The following CHST11 variants were observed in gnomAD, a reference collection of about 807,000 sequenced individuals.
CHST11 encodes C4S-1.
In CHST11, 9 loss-of-function variants were observed where a neutral mutation model predicts 30.4. The observed-to-expected ratio is 0.30, with a 90% CI of 0.18 to 0.52. The LOEUF (loss-of-function observed/expected upper bound fraction) is 0.52, where lower values mean the gene tolerates loss of function less well. Ranked by LOEUF, CHST11 falls within the 20% of genes least tolerant of loss-of-function variation. CHST11 has a pLI of 0.97. For missense variants in CHST11, 348 were observed against 460.6 expected, an observed-to-expected ratio of 0.76 and a Z score of 2.24; for synonymous variants, 152 against 187.8, an observed-to-expected ratio of 0.81 and a Z score of 1.56.
At chr12:104,575,030 G>A (rs865606) in intron 1 of CHST11, among the ~76,000 whole-genome samples, 108,013 of 151,656 alleles carry the variant, frequency 0.71, 38,776 homozygotes, top group East Asian at 0.98. Context: ...CATCTTTACT[G>A]AAAATACAAA....
intron 2 of CHST11, among the ~76,000 whole-genome samples, chr12:104,699,655 C>T (rs1264631360): frequency 1.3e-5 from 2 of 152,218 alleles, no homozygotes; most frequent in Non-Finnish European, 2.9e-5. Context: ...ACGCATAACA[C>T]GTGGTTTCCA....
chr12:104,545,637 G>C (rs1257605046), intron 1 of CHST11, among the ~76,000 whole-genome samples: 1 of 152,148 alleles, frequency 6.6e-6, no homozygotes, highest in Non-Finnish European at 1.5e-5. Flanking sequence ...ACAAACAAAG[G>C]CACGTTTCTT....
At chr12:104,737,724 CA>C (rs894583927) in intron 2 of CHST11, among the ~76,000 whole-genome samples, 2 of 152,100 alleles carry the variant, frequency 1.3e-5, no homozygotes, top group Admixed American at 6.5e-5. Context: ...TGATGTTTTT[CA>C]AAAGAAAAGA....
chr12:104,612,177 GGCT>G (rs2039066899), intron 2 of CHST11, among the ~76,000 whole-genome samples: 1 of 152,222 alleles, frequency 6.6e-6, no homozygotes, highest in Non-Finnish European at 1.5e-5. Flanking sequence ...AGTTCGCTGG[GGCT>G]GCTGTAACAA....
chr12:104,679,116 T>A (rs927899624), intron 2 of CHST11, among the ~76,000 whole-genome samples: 2 of 152,150 alleles, frequency 1.3e-5, no homozygotes, highest in Admixed American at 6.5e-5. Flanking sequence ...GGGTGGATGT[T>A]CCTATCTTCG....
At chr12:104,524,357 C>G (rs1313222345) in intron 1 of CHST11, among the ~76,000 whole-genome samples, 1 of 152,164 alleles carries the variant, frequency 6.6e-6, no homozygotes, top group African/African-American at 2.4e-5. Context: ...GCATTTGACC[C>G]TTAGTCAGAG....
At chr12:104,604,739 C>G (rs762417255) in intron 2 of CHST11, among the ~76,000 whole-genome samples, 24 of 152,236 alleles carry the variant, frequency 1.6e-4, no homozygotes, top group Non-Finnish European at 2.5e-4. Context: ...AACTGCTCCC[C>G]GAGCTGGTGT....
At chr12:104,735,977 C>G (rs312170) in intron 2 of CHST11, among the ~76,000 whole-genome samples, 93,163 of 151,936 alleles carry the variant, frequency 0.61, 29,464 homozygotes, top group East Asian at 0.93. Flanking sequence ...TGCCAGGATG[C>G]GGGGTTGTGG....
At chr12:104,675,861 C>T (rs1407279598) in intron 2 of CHST11, among the ~76,000 whole-genome samples, 1 of 152,180 alleles carries the variant, frequency 6.6e-6, no homozygotes, top group Non-Finnish European at 1.5e-5. Flanking sequence ...AGGACTCTGA[C>T]AGAGGTACAC....
intron 2 of CHST11, among the ~76,000 whole-genome samples, chr12:104,741,275 G>C (rs959928333): frequency 6.6e-6 from 1 of 152,184 alleles, no homozygotes; most frequent in African/African-American, 2.4e-5. Context: ...GAGAACGAGG[G>C]TGTCTTCCAG....
intron 1 of CHST11, among the ~76,000 whole-genome samples, chr12:104,566,059 T>A (rs569644335): frequency 7.1e-4 from 108 of 152,322 alleles, no homozygotes; most frequent in Non-Finnish European, 9.0e-4. Context: ...CTGGACACAC[T>A]CAGCCTTCTG....
chr12:104,639,275 T>C (rs2039352857), intron 2 of CHST11, among the ~76,000 whole-genome samples: 1 of 152,194 alleles, frequency 6.6e-6, no homozygotes, highest in African/African-American at 2.4e-5. Flanking sequence ...AAGATTAAGA[T>C]GGCAAAATAC....
At chr12:104,646,269 G>T (rs1027929023) in intron 2 of CHST11, among the ~76,000 whole-genome samples, 2 of 152,008 alleles carry the variant, frequency 1.3e-5, no homozygotes, top group Non-Finnish European at 2.9e-5. Flanking sequence ...CAACCTCTTG[G>T]TGGCCTTTGC....
chr12:104,539,184 GCA>G (rs2038265495), intron 1 of CHST11, among the ~76,000 whole-genome samples: 1 of 152,134 alleles, frequency 6.6e-6, no homozygotes, highest in African/African-American at 2.4e-5. Flanking sequence ...TCCTGTGATA[GCA>G]CAGAGTCCAG....
At chr12:104,704,471 C>T (rs78070110) in intron 2 of CHST11, among the ~76,000 whole-genome samples, 2 of 152,076 alleles carry the variant, frequency 1.3e-5, no homozygotes, top group African/African-American at 4.8e-5. Context: ...TCAGGTTCTG[C>T]CCAGGCATTC....
intron 2 of CHST11, among the ~76,000 whole-genome samples, chr12:104,755,605 G>A (rs916600946): frequency 2.0e-5 from 3 of 152,112 alleles, no homozygotes; most frequent in Admixed American, 1.3e-4. Flanking sequence ...GACCAACGTA[G>A]TGAAACCCCG....
chr12:104,586,863 A>G (rs2038810689), intron 1 of CHST11, among the ~76,000 whole-genome samples: 1 of 152,232 alleles, frequency 6.6e-6, no homozygotes, highest in South Asian at 2.1e-4. Context: ...TGTTTTATTT[A>G]AGTGAACATA....
chr12:104,692,320 A>G (rs972027043), intron 2 of CHST11, among the ~76,000 whole-genome samples: 3 of 152,182 alleles, frequency 2.0e-5, no homozygotes, highest in Non-Finnish European at 1.5e-5. Flanking sequence ...AATGTGTTTG[A>G]CTGCCTACCA....
chr12:104,547,485 G>A (rs190567103), intron 1 of CHST11, among the ~76,000 whole-genome samples: 41 of 152,316 alleles, frequency 2.7e-4, no homozygotes, highest in African/African-American at 9.6e-4. Context: ...GTGGGTGCAG[G>A]GAGCAGAGTG....
Sources: allele counts gnomAD v4.1 joint callset (sites outside exome capture counted in the v4.1 genomes callset), GRCh38; gene constraint gnomAD v4.1.1; transcripts MANE v1.5; gene names NCBI Gene and HGNC (gene_info 2026-07-23, HGNC 2026-07-21).